BMPR2: variants seen among roughly 807,000 people sequenced by gnomAD.
BMPR2 encodes the protein bone morphogenetic protein receptor type-2.
BMPR2 carries 29 observed loss-of-function variants against 100.8 expected under a neutral mutation model. That is an observed-to-expected ratio of 0.29 (90% CI 0.21 to 0.39). The LOEUF (loss-of-function observed/expected upper bound fraction) is 0.39, where lower values mean the gene tolerates loss of function less well. Ranked by LOEUF, BMPR2 falls within the 10% of genes least tolerant of loss-of-function variation. The pLI is 1.00. For synonymous variants in BMPR2, 382 were observed against 442.3 expected (o/e 0.86, Z 1.71); for missense variants, 1,011 against 1,274.5 (o/e 0.79, Z 3.15).
Position 202,467,771 on chromosome 2 carries a change from G to C in BMPR2, c.418+82G>C, listed in dbSNP as rs76651977. On this transcript the variant is annotated intron_variant, in intron 3 of 12. Transcript: ENST00000374580. ...ATAAAAAAACTTAAAAAACATTCAAGGTTGAAGCCAGGCGTGATGGCTCAT... is the reference window on the plus strand; with the variant it reads ...ATAAAAAAACTTAAAAAACATTCAACGTTGAAGCCAGGCGTGATGGCTCAT... 3 of 1,457,420 alleles carry C rather than the reference G, an allele frequency of 2.1e-6. No individual in the cohort carries two copies. In the Admixed American group the frequency reaches 5.1e-5, roughly 25 times the overall value. 90.3% of individuals were successfully genotyped at this position (1,457,420 alleles called of 1,614,324 possible).
At position 202,376,559 on chromosome 2, in the gene BMPR2, C is replaced by T. The variant is rs908434869; in HGVS notation, c.-916C>T. Among the ~76,000 whole-genome samples the T allele has an allele frequency of 7.1e-6, 1 of 140,492 alleles. No homozygotes were observed. Among genetic ancestry groups the T allele is most frequent in the Non-Finnish European group, 1.5e-5 (1 of 64,792 alleles). The allele number at this position is 140,492 out of a possible 152,430, so 92.2% of individuals were successfully genotyped here. A position where few individuals can be genotyped will look rare whatever the true frequency, so the allele number is the denominator to read the frequency against. On this transcript the variant is annotated 5_prime_UTR_variant, in exon 1 of 13. Coordinates refer to ENST00000374580, the MANE Select transcript of BMPR2 (RefSeq NM_001204.7). Reference sequence around the variant, plus strand: ...GCGGCGGCGGCGGCAGCAGCAGCGGCTTCCTCGGGGGGTTGTGATTCGCTC... The same window carrying T: ...GCGGCGGCGGCGGCAGCAGCAGCGGTTTCCTCGGGGGGTTGTGATTCGCTC...
chr2:202,507,853 C>T (rs1361915836), intron 3 of BMPR2, among the ~76,000 whole-genome samples: 5 of 151,736 alleles, frequency 3.3e-5, no homozygotes, highest in Admixed American at 3.3e-4. Flanking sequence ...GCATGTGCCA[C>T]CATGCCCGGC....
chr2:202,528,098 G>A (rs923096188), intron 7 of BMPR2, among the ~76,000 whole-genome samples: 3 of 152,116 alleles, frequency 2.0e-5, no homozygotes, highest in African/African-American at 7.2e-5. Flanking sequence ...GAGGTGGGAG[G>A]ATTGCCTGAG....
At chr2:202,451,096 G>C (rs1473710829) in intron 1 of BMPR2, among the ~76,000 whole-genome samples, 1 of 152,130 alleles carries the variant, frequency 6.6e-6, no homozygotes, top group African/African-American at 2.4e-5. Flanking sequence ...CTCCAGTACA[G>C]ATAAATATAT....
Position 202,556,112 on chromosome 2 carries a change from T to C in BMPR2, c.2447T>C (p.Val816Ala). 2 of 1,614,126 alleles carry C rather than the reference T, an allele frequency of 1.2e-6. No individual in the cohort carries two copies. The highest frequency in any genetic ancestry group is 1.7e-6 in the Non-Finnish European group (2 of 1,180,012). Reference sequence around the variant, plus strand: ...GGTGTGGCAGGTAGAAACCACAGTGTTAACTCCCATGCTGCCACAACCCAA... The same window carrying C: ...GGTGTGGCAGGTAGAAACCACAGTGCTAACTCCCATGCTGCCACAACCCAA... ...MNGVAGRNHSVNSHAATTQYA... is the reference protein window; with the variant it reads ...MNGVAGRNHSANSHAATTQYA... The change falls in exon 12 of 13, where the codon GTT (valine) becomes GCT (alanine). Residue 816 changes from valine (V) to alanine (A), a missense_variant. By Grantham distance (64) the Val-to-Ala change is moderately conservative (BLOSUM62 0). This residue lies in a region of BMPR2 where 508 missense variants were observed against 552.0 expected (regional missense o/e 0.92). Coordinates refer to ENST00000374580, the MANE Select transcript of BMPR2 (RefSeq NM_001204.7).
chr2:202,464,247 TA>T (rs1305612992), intron 1 of BMPR2, among the ~76,000 whole-genome samples: 33 of 152,096 alleles, frequency 2.2e-4, no homozygotes, highest in African/African-American at 7.7e-4. Context: ...ACAATTCAGT[TA>T]TTTTTTTTGC....
intron 1 of BMPR2, among the ~76,000 whole-genome samples, chr2:202,424,814 C>T (rs141785627): frequency 3.3e-5 from 5 of 152,274 alleles, no homozygotes; most frequent in African/African-American, 1.2e-4. Flanking sequence ...GCAATATCCC[C>T]AATGTCTTTA....
chr2:202,497,425 C>T (rs552029924), intron 3 of BMPR2, among the ~76,000 whole-genome samples: 8 of 152,250 alleles, frequency 5.3e-5, no homozygotes, highest in African/African-American at 1.7e-4. Flanking sequence ...AAGTGACTAG[C>T]GCAGCTGCCA....
intron 3 of BMPR2, among the ~76,000 whole-genome samples, chr2:202,478,159 A>G (rs1295381182): frequency 3.3e-5 from 5 of 152,116 alleles, no homozygotes; most frequent in Non-Finnish European, 7.4e-5. Flanking sequence ...ATTCTTTTGC[A>G]TTTTTATGCT....
intron 1 of BMPR2, among the ~76,000 whole-genome samples, chr2:202,432,114 A>C (rs1316163928): frequency 6.6e-6 from 1 of 150,716 alleles, no homozygotes. Context: ...GCAAAACAGT[A>C]CAGCAGATTT....
intron 1 of BMPR2, among the ~76,000 whole-genome samples, chr2:202,420,195 A>G (rs1383747058): frequency 1.3e-5 from 2 of 152,138 alleles, no homozygotes; most frequent in African/African-American, 4.8e-5. Context: ...CTAACAAAAA[A>G]TAAAAGACTA....
At chr2:202,400,964 C>T (rs1467357029) in intron 1 of BMPR2, among the ~76,000 whole-genome samples, 2 of 152,074 alleles carry the variant, frequency 1.3e-5, no homozygotes. Flanking sequence ...TGGTTTTAAG[C>T]TGGTAACTTT....
chr2:202,450,102 T>TTG (rs1335342670), intron 1 of BMPR2, among the ~76,000 whole-genome samples: 21 of 152,034 alleles, frequency 1.4e-4, no homozygotes, highest in African/African-American at 5.1e-4. Context: ...AGAGCGAGAC[T>TTG]CCGTCTCAAA....
At chr2:202,401,181 A>G (rs1004014564) in intron 1 of BMPR2, among the ~76,000 whole-genome samples, 1 of 152,216 alleles carries the variant, frequency 6.6e-6, no homozygotes, top group Non-Finnish European at 1.5e-5. Context: ...AGCAGTAGTG[A>G]GTGAAGGAGA....
chr2:202,510,010 A>T (rs1367319987), intron 3 of BMPR2, among the ~76,000 whole-genome samples: 1 of 152,218 alleles, frequency 6.6e-6, no homozygotes, highest in African/African-American at 2.4e-5. Context: ...ATTTACTTGA[A>T]TTACACAAGA....
chr2:202,426,931 T>C (rs1574442692), intron 1 of BMPR2, among the ~76,000 whole-genome samples: 1 of 152,078 alleles, frequency 6.6e-6, no homozygotes, highest in East Asian at 1.9e-4. Flanking sequence ...AGAGATTGGA[T>C]TATAAGAGGA....
intron 3 of BMPR2, among the ~76,000 whole-genome samples, chr2:202,484,375 C>T (rs1296491035): frequency 7.0e-6 from 1 of 143,280 alleles, no homozygotes. Context: ...TTCTTTCCTT[C>T]CTTCCGAAAA....
At chr2:202,453,523 A>C (rs1692030410) in intron 1 of BMPR2, among the ~76,000 whole-genome samples, 1 of 152,200 alleles carries the variant, frequency 6.6e-6, no homozygotes. Context: ...CATGGATTGG[A>C]GGACATTATG....
At chr2:202,448,816 G>A (rs986659995) in intron 1 of BMPR2, among the ~76,000 whole-genome samples, 5 of 152,112 alleles carry the variant, frequency 3.3e-5, no homozygotes, top group African/African-American at 1.2e-4. Flanking sequence ...AGGTTTAAGC[G>A]TGGCTTATGT....
Sources: gnomAD v4.1 joint callset for allele counts (sites outside exome capture counted in the v4.1 genomes callset) on GRCh38, gnomAD v4.1.1 for gene constraint, gnomAD v4.1.1 regional missense constraint, MANE v1.5 for transcripts, NCBI Gene and HGNC (gene_info 2026-07-23, HGNC 2026-07-21) for gene names.